DSCAML1: variants seen among roughly 807,000 people sequenced by gnomAD.
DSCAML1 encodes DS cell adhesion molecule like 1, also known as cell adhesion molecule DSCAML1.
DSCAML1 carries 38 observed loss-of-function variants against 200.5 expected under a neutral mutation model. That is an observed-to-expected ratio of 0.19 (90% CI 0.15 to 0.25). The LOEUF (loss-of-function observed/expected upper bound fraction) is 0.25. DSCAML1 is among the 10% of genes least tolerant of loss of function. The pLI is 1.00. For synonymous variants in DSCAML1, 1,215 were observed against 1,165.0 expected (o/e 1.04, Z -0.87); for missense variants, 2,223 against 2,858.8 (o/e 0.78, Z 5.07).
At chr11:117,584,923 C>G (rs2051113456) in intron 3 of DSCAML1, among the ~76,000 whole-genome samples, 1 of 152,180 alleles carries the variant, frequency 6.6e-6, no homozygotes, top group Admixed American at 6.5e-5. Context: ...GGAAAGTACT[C>G]AGAATGATAC....
intron 30 of DSCAML1, 67 bp downstream of exon 30, chr11:117,432,285 C>G (rs2047816744): frequency 6.7e-7 from 1 of 1,493,746 alleles, no homozygotes; most frequent in Non-Finnish European, 9.0e-7. Context: ...AACACCACCT[C>G]TGTGTCATGC....
chr11:117,553,807 C>T (rs1000698015), intron 3 of DSCAML1, among the ~76,000 whole-genome samples: 1 of 152,234 alleles, frequency 6.6e-6, no homozygotes, highest in Non-Finnish European at 1.5e-5. Flanking sequence ...TCTGGGTATA[C>T]ACCCACAAGA....
In DSCAML1 at chr11:117,439,823, C is replaced by A; in HGVS notation, c.3976G>T (p.Asp1326Tyr). Residue 1326 changes from aspartate to tyrosine, a missense_variant, in exon 22 of 33, where the codon GAC (aspartate) becomes TAC (tyrosine). Asp to Tyr is a radical substitution (Grantham distance 160). Around this residue, in one of 7 missense-constraint regions of DSCAML1, gnomAD observed 614 missense variants for 739.1 expected, o/e 0.83. Transcript: ENST00000651296. ...DPAPAVKWTK[D>Y]SEDSAIPVSM... Reference sequence around the variant, plus strand: ...CTCCACTGTCCCGACACACACCTGTCCTTGGTCCACTTCACAGCAGGGGCT... The same window carrying A: ...CTCCACTGTCCCGACACACACCTGTACTTGGTCCACTTCACAGCAGGGGCT... 6.2e-7 allele frequency: 1 copy of A among 1,613,946 alleles called. No individual in the cohort carries two copies. The highest frequency in any genetic ancestry group is 8.5e-7 in the Non-Finnish European group (1 of 1,179,822).
intron 1 of DSCAML1, among the ~76,000 whole-genome samples, chr11:117,803,911 C>T (rs1318652545): frequency 6.6e-6 from 1 of 152,242 alleles, no homozygotes; most frequent in Non-Finnish European, 1.5e-5. Context: ...ACTTGCCAGT[C>T]CATGCGCTGG....
chr11:117,698,572 C>G (rs1380465284), intron 3 of DSCAML1, among the ~76,000 whole-genome samples: 1 of 152,074 alleles, frequency 6.6e-6, no homozygotes, highest in Non-Finnish European at 1.5e-5. Flanking sequence ...GGGGTTTGAT[C>G]TCTTGTTATT....
chr11:117,459,550 T>G (rs1200773927), intron 18 of DSCAML1, among the ~76,000 whole-genome samples: 1 of 152,196 alleles, frequency 6.6e-6, no homozygotes, highest in Non-Finnish European at 1.5e-5. Context: ...GTGAGTCTGG[T>G]GGAGCCGATA....
chr11:117,550,021 T>G lies in DSCAML1; in HGVS notation c.512-17499A>C, dbSNP rs181427644. ...TTCCACACTGGGTCATCTCAGCACC[T>G]CTTCTCCCTTGTCTCCTGACAGCCC... On this transcript the variant is annotated intron_variant, in intron 3 of 32. Coordinates refer to ENST00000651296, the MANE Select transcript of DSCAML1 (RefSeq NM_020693.4). Among the ~76,000 whole-genome samples the G allele has an allele frequency of 1.8e-4, 28 of 152,290 alleles. No homozygotes were observed. In the East Asian group the frequency reaches 5.2e-3, roughly 28 times the overall value.
intron 3 of DSCAML1, among the ~76,000 whole-genome samples, chr11:117,742,180 C>G (rs2054435618): frequency 6.6e-6 from 1 of 152,156 alleles, no homozygotes; most frequent in South Asian, 2.1e-4. Context: ...TTGCGAAACC[C>G]AATCCTGAGT....
rs912042663 is a variant in DSCAML1 at position 117,642,908 on chromosome 11, A to G, written c.512-110386T>C. ...TTACCCCAGGAAGCCCTCAGGGAGT[A>G]AAAGGAAGAGACGCCAGGACAGTTT... On this transcript the variant is annotated intron_variant, in intron 3 of 32. Coordinates refer to ENST00000651296, the MANE Select transcript of DSCAML1 (RefSeq NM_020693.4). The surrounding 1 kb of genome is among the most constrained non-coding windows in gnomAD (Gnocchi z 4.1). Among the ~76,000 whole-genome samples, 4 of 152,194 alleles carry G rather than the reference A, an allele frequency of 2.6e-5. No homozygotes were observed. Among genetic ancestry groups the G allele is most frequent in the African/African-American group, 9.7e-5 (4 of 41,448 alleles).
intron 21 of DSCAML1, among the ~76,000 whole-genome samples, chr11:117,441,933 A>C (rs1379991088): frequency 1.3e-5 from 2 of 152,126 alleles, no homozygotes; most frequent in African/African-American, 4.8e-5. Context: ...TGGTTTTGCC[A>C]CAGGCTGGGG....
chr11:117,628,314 C>T (rs1002530941), intron 3 of DSCAML1, among the ~76,000 whole-genome samples: 4 of 152,276 alleles, frequency 2.6e-5, no homozygotes, highest in Non-Finnish European at 4.4e-5. Context: ...GTTCAGGAAG[C>T]GCTTCCCAGG....
rs1039163257 is a variant in DSCAML1, at chr11:117,571,483, C to T, written c.512-38961G>A. Reference sequence around the variant, plus strand: ...AGCACTCTGATCTGGTCTCTCTGGCCTCCTGGAGCACTAGCCTTCATCACA... The same window carrying T: ...AGCACTCTGATCTGGTCTCTCTGGCTTCCTGGAGCACTAGCCTTCATCACA... On this transcript the variant is annotated intron_variant, in intron 3 of 32. Transcript: ENST00000651296. 3.9e-5 allele frequency among the ~76,000 whole-genome samples: 6 copies of T among 152,180 alleles called. No individual in the cohort carries two copies. In the East Asian group the frequency reaches 1.2e-3, roughly 29 times the overall value.
At chr11:117,704,741 C>A (rs2053729593) in intron 3 of DSCAML1, among the ~76,000 whole-genome samples, 1 of 152,200 alleles carries the variant, frequency 6.6e-6, no homozygotes, top group Admixed American at 6.5e-5. Flanking sequence ...AGGAACAATG[C>A]AAGTATTAAT....
At chr11:117,531,310 G>C (rs1162600256) in intron 4 of DSCAML1, among the ~76,000 whole-genome samples, 4 of 152,068 alleles carry the variant, frequency 2.6e-5, no homozygotes, top group Non-Finnish European at 5.9e-5. Context: ...AAGTCGCTTG[G>C]CTTCCCTAAG....
At chr11:117,795,017 G>C (rs2055544389) in intron 1 of DSCAML1, among the ~76,000 whole-genome samples, 1 of 152,156 alleles carries the variant, frequency 6.6e-6, no homozygotes, top group Non-Finnish European at 1.5e-5. Context: ...ACAAGATTTT[G>C]CCCCTTGGCT....
intron 3 of DSCAML1, among the ~76,000 whole-genome samples, chr11:117,645,100 G>C (rs1388212531): frequency 1.3e-5 from 2 of 152,220 alleles, no homozygotes; most frequent in African/African-American, 4.8e-5. Flanking sequence ...CCACAGTGGT[G>C]GTTCATGTCT....
At chr11:117,592,026 C>T (rs2051268646) in intron 3 of DSCAML1, among the ~76,000 whole-genome samples, 1 of 152,096 alleles carries the variant, frequency 6.6e-6, no homozygotes, top group African/African-American at 2.4e-5. Context: ...GGGTGACAGG[C>T]CCCTGATCTG....
At chr11:117,538,438 C>T (rs1015054059) in intron 3 of DSCAML1, among the ~76,000 whole-genome samples, 2 of 152,264 alleles carry the variant, frequency 1.3e-5, no homozygotes, top group East Asian at 1.9e-4. Context: ...TTGGGGCTGC[C>T]GGGCCCCCAG....
intron 3 of DSCAML1, among the ~76,000 whole-genome samples, chr11:117,571,322 G>A (rs2050844567): frequency 6.6e-6 from 1 of 152,200 alleles, no homozygotes; most frequent in African/African-American, 2.4e-5. Flanking sequence ...ACCCATCCTA[G>A]AGGTAGGTAT....
Sources: allele counts gnomAD v4.1 joint callset (sites outside exome capture counted in the v4.1 genomes callset), GRCh38; gene constraint gnomAD v4.1.1; regional missense constraint gnomAD v4.1.1; non-coding constraint Gnocchi (gnomAD v3.1); transcripts MANE v1.5; gene names NCBI Gene and HGNC (gene_info 2026-07-23, HGNC 2026-07-21).